Variants in RYR3 observed in about 807,000 individuals in gnomAD.
RYR3 encodes brain ryanodine receptor-calcium release channel.
A neutral mutation model predicts 584.3 loss-of-function variants in RYR3; 207 were observed. That is an observed-to-expected ratio of 0.35 (90% CI 0.32 to 0.40). The LOEUF (loss-of-function observed/expected upper bound fraction) is 0.40, where lower values mean the gene tolerates loss of function less well. RYR3 is among the 10% of genes least tolerant of loss of function. The pLI is 1.00. For synonymous variants in RYR3, 2,416 were observed against 2,248.5 expected (o/e 1.07, Z -2.11); for missense variants, 5,616 against 6,089.2 (o/e 0.92, Z 2.59).
At chr15:33,721,605 G>A (rs1309738644) in intron 43 of RYR3, among the ~76,000 whole-genome samples, 2 of 152,070 alleles carry the variant, frequency 1.3e-5, no homozygotes, top group African/African-American at 2.4e-5. Flanking sequence ...TTTGAGTATT[G>A]AGTTCAGGGA....
chr15:33,863,626 C>T (rs1464743462), intron 102 of RYR3, among the ~76,000 whole-genome samples: 1 of 152,204 alleles, frequency 6.6e-6, no homozygotes, highest in African/African-American at 2.4e-5. Context: ...AGTGAAACTA[C>T]ACTGGCATTC....
chr15:33,758,973 C>A (rs1181784252), intron 60 of RYR3, among the ~76,000 whole-genome samples: 1 of 152,234 alleles, frequency 6.6e-6, no homozygotes, highest in African/African-American at 2.4e-5. Flanking sequence ...TGCTGTTCTG[C>A]AGCCTCCGCT....
intron 18 of RYR3, among the ~76,000 whole-genome samples, chr15:33,608,933 C>T (rs1567654097): frequency 6.6e-6 from 1 of 152,194 alleles, no homozygotes; most frequent in Admixed American, 6.5e-5. Flanking sequence ...GGGCATATGG[C>T]AGCTATGGCT....
intron 1 of RYR3, among the ~76,000 whole-genome samples, chr15:33,434,709 C>T (rs898004525): frequency 3.3e-5 from 5 of 152,302 alleles, no homozygotes; most frequent in Middle Eastern, 3.4e-3. Context: ...GTATTTCTCT[C>T]TCCTCTTCAG....
chr15:33,707,881 T>TCTTTC lies in RYR3; in HGVS notation c.6619+830_6619+831insTCCTT, dbSNP rs1200621659. ...TGATCATTATATTCCCGTGTGCTTT[T>TCTTTC]CTTGTTGTCTCTCTACCCTCCCATT... On this transcript the variant is annotated intron_variant, in intron 43 of 103. Transcript: ENST00000634891. Among the ~76,000 whole-genome samples the TCTTTC allele has an allele frequency of 1.0e-3, 159 of 152,342 alleles. 1 individual carries two copies. The highest frequency in any genetic ancestry group is 0.01 in the Middle Eastern group (3 of 294).
chr15:33,567,871 A>G (rs1181440232), intron 12 of RYR3, among the ~76,000 whole-genome samples: 1 of 152,182 alleles, frequency 6.6e-6, no homozygotes. Flanking sequence ...TTTAAACTTG[A>G]CAATAGAGAT....
At chr15:33,568,614 A>G (rs971958744) in intron 12 of RYR3, among the ~76,000 whole-genome samples, 1 of 152,098 alleles carries the variant, frequency 6.6e-6, no homozygotes, top group Non-Finnish European at 1.5e-5. Context: ...AATTTTTTGT[A>G]GAGATGGGGC....
intron 38 of RYR3, among the ~76,000 whole-genome samples, chr15:33,671,108 C>T (rs1190885351): frequency 2.6e-5 from 4 of 152,096 alleles, no homozygotes. Context: ...CTAGATTTAT[C>T]TCTCTAATCC....
At chr15:33,356,572 AT>A (rs753607620) in intron 1 of RYR3, among the ~76,000 whole-genome samples, 3 of 152,216 alleles carry the variant, frequency 2.0e-5, no homozygotes, top group Non-Finnish European at 4.4e-5. Context: ...AAAATTATGT[AT>A]AATCTCTCTG....
chr15:33,860,819 C>G (rs1238749041), intron 101 of RYR3, among the ~76,000 whole-genome samples, 160 bp downstream of exon 101: 1 of 150,876 alleles, frequency 6.6e-6, no homozygotes, highest in Non-Finnish European at 1.5e-5. Context: ...ATACCCCTGC[C>G]AGGCCGGCCA....
chr15:33,833,002 CA>C (rs66477732), intron 86 of RYR3, among the ~76,000 whole-genome samples: 72,589 of 112,450 alleles, frequency 0.65, 21,004 homozygotes, highest in East Asian at 0.9. Flanking sequence ...AACTCTGTCT[CA>C]AAAAAAAAAA....
chr15:33,447,773 C>A (rs1405046750), intron 1 of RYR3, among the ~76,000 whole-genome samples: 1 of 152,214 alleles, frequency 6.6e-6, no homozygotes, highest in Admixed American at 6.5e-5. Flanking sequence ...CCATTTCCAT[C>A]ATCACTGAAA....
At chr15:33,509,660 A>C in intron 3 of RYR3, among the ~76,000 whole-genome samples, 1 of 152,218 alleles carries the variant, frequency 6.6e-6, no homozygotes, top group East Asian at 1.9e-4. Flanking sequence ...TTGTGATGTA[A>C]GTCCTAGGTC....
intron 98 of RYR3, among the ~76,000 whole-genome samples, chr15:33,857,491 G>T (rs1424670999): frequency 1.3e-5 from 2 of 152,018 alleles, no homozygotes; most frequent in Non-Finnish European, 2.9e-5. Flanking sequence ...CACATTCTGA[G>T]GTACTGGAGG....
intron 48 of RYR3, among the ~76,000 whole-genome samples, chr15:33,733,021 C>T: frequency 6.6e-6 from 1 of 152,136 alleles, no homozygotes; most frequent in Admixed American, 6.5e-5. Flanking sequence ...GAACATCACA[C>T]CAAAAGGTAA....
chr15:33,482,534 C>G (rs2050070636), intron 2 of RYR3, among the ~76,000 whole-genome samples: 1 of 152,174 alleles, frequency 6.6e-6, no homozygotes, highest in Non-Finnish European at 1.5e-5. Flanking sequence ...ATTCTCCTGC[C>G]TCAGTCTCCT....
At chr15:33,771,466 A>G (rs2073568509) in intron 62 of RYR3, among the ~76,000 whole-genome samples, 1 of 151,492 alleles carries the variant, frequency 6.6e-6, no homozygotes, top group Non-Finnish European at 1.5e-5. Flanking sequence ...CCTGGGAGGC[A>G]GAGGTTGCAG....
intron 1 of RYR3, among the ~76,000 whole-genome samples, chr15:33,416,522 A>C (rs541004437): frequency 9.2e-5 from 14 of 152,124 alleles, no homozygotes; most frequent in Non-Finnish European, 1.9e-4. Context: ...TCCTTCGCTT[A>C]CTTTTTAATG....
In RYR3 at chr15:33,865,198, G is replaced by A. The variant is rs765872802; in HGVS notation, c.14585G>A (p.Arg4862His). 3.2e-5 allele frequency: 51 copies of A among 1,613,416 alleles called. No individual in the cohort carries two copies. Among genetic ancestry groups the A allele is most frequent in the South Asian group, 9.9e-5 (9 of 91,046 alleles). Reference protein sequence around the residue: ...WDFFPAGDCFRKQYEDQLG With the variant: ...WDFFPAGDCFHKQYEDQLG ...TTCTTCCCAGCCGGTGACTGCTTTC[G>A]TAAACAATATGAAGATCAGCTTGGA... Residue 4862 changes from arginine (R) to histidine (H), a missense_variant, in exon 104 of 104, where the codon CGT becomes CAT. Around this residue, in one of 9 missense-constraint regions of RYR3, gnomAD observed 918 missense variants for 887.4 expected, o/e 1.03. Coordinates refer to ENST00000634891, the MANE Select transcript of RYR3 (RefSeq NM_001036.6).
Sources: allele counts gnomAD v4.1 joint callset (sites outside exome capture counted in the v4.1 genomes callset), GRCh38; gene constraint gnomAD v4.1.1; regional missense constraint gnomAD v4.1.1; transcripts MANE v1.5; gene names NCBI Gene and HGNC (gene_info 2026-07-23, HGNC 2026-07-21).